SMAD6: variants seen among roughly 807,000 people sequenced by gnomAD.
The protein encoded by SMAD6 is SMAD family member 6.
SMAD6 carries 103 observed loss-of-function variants against 39.4 expected under a neutral mutation model. That is an observed-to-expected ratio of 2.62 (90% CI 2.23 to 3.08). The LOEUF (loss-of-function observed/expected upper bound fraction) is 3.08. Ranked by LOEUF, SMAD6 falls within the 30% of genes most tolerant of loss-of-function variation. The pLI, the probability that SMAD6 is intolerant of heterozygous loss-of-function variation, is 0.00. For missense variants in SMAD6, 1,104 were observed against 742.9 expected (o/e 1.49, Z -5.65); for synonymous variants, 445 against 353.3 (o/e 1.26, Z -2.91).
intron 2 of SMAD6, among the ~76,000 whole-genome samples, chr15:66,712,769 G>A (rs1893257523): frequency 6.6e-6 from 1 of 152,016 alleles, no homozygotes; most frequent in Non-Finnish European, 1.5e-5. Context: ...CATTTTAGGA[G>A]GCTAAGGTGG....
At chr15:66,752,303 G>A (rs2140649032) in intron 3 of SMAD6, among the ~76,000 whole-genome samples, 1 of 152,298 alleles carries the variant, frequency 6.6e-6, no homozygotes, top group South Asian at 2.1e-4. Flanking sequence ...GAGATCCTCA[G>A]GGGAGAGCCC....
intron 3 of SMAD6, among the ~76,000 whole-genome samples, chr15:66,742,254 A>G (rs778848837): frequency 3.9e-5 from 6 of 152,170 alleles, no homozygotes; most frequent in African/African-American, 1.2e-4. Context: ...CATGGGAGTC[A>G]GCATCCCCTC....
At chr15:66,767,817 C>T (rs1489015841) in intron 3 of SMAD6, among the ~76,000 whole-genome samples, 1 of 152,102 alleles carries the variant, frequency 6.6e-6, no homozygotes, top group African/African-American at 2.4e-5. Context: ...GTATATAGGC[C>T]TCTGCATTCA....
chr15:66,703,751 C>A lies in SMAD6; in HGVS notation c.493C>A (p.Leu165Met). ...GGRSREARSR[L>M]LLLEQELKTV... The stretch of plus-strand genomic sequence containing the variant: ...GCGGAGTCGCGAAGCGCGCTCGCGG[C>A]TGCTGCTGCTGGAGCAGGAACTCAA... Residue 165 changes from leucine to methionine, a missense_variant, in exon 1 of 4, where the codon CTG becomes ATG. Coordinates refer to ENST00000288840, the MANE Select transcript of SMAD6 (RefSeq NM_005585.5). 7.2e-7 allele frequency: 1 copy of A among 1,391,446 alleles called. No homozygotes were observed. The highest frequency in any genetic ancestry group is 9.4e-7 in the Non-Finnish European group (1 of 1,059,764). The allele number at this position is 1,391,446 out of a possible 1,614,324, so 86.2% of individuals were successfully genotyped here.
chr15:66,774,230 G>A (rs542794960), intron 3 of SMAD6, among the ~76,000 whole-genome samples: 7 of 152,314 alleles, frequency 4.6e-5, no homozygotes, highest in African/African-American at 1.7e-4. Flanking sequence ...GCCCACGGGG[G>A]AGCACACAGG....
Position 66,703,369 on chromosome 15 carries a change from G to T in SMAD6, c.111G>T (p.Gly37=). 1 of 1,466,726 alleles carries T rather than the reference G, an allele frequency of 6.8e-7. No homozygotes were observed. The highest frequency in any genetic ancestry group is 3.0e-5 in the East Asian group (1 of 33,362). 90.9% of individuals were successfully genotyped at this position (1,466,726 alleles called of 1,614,324 possible). ...GCGGCGGTGGCGGCGACGAGGATGG[G>T]AGCTTGGGCAGCCGAGCTGAGCCGG... ...SGGGGGGDED[G]SLGSRAEPAP... Residue 37 remains glycine, a synonymous_variant, in exon 1 of 4, where the codon GGG becomes GGT. Transcript: ENST00000288840.
rs754325733 is a variant in SMAD6 at position 66,702,306 on chromosome 15, A to G, written c.-953A>G. 2 of 152,096 alleles carry G rather than the reference A, an allele frequency of 1.3e-5. No individual in the cohort carries two copies. Among genetic ancestry groups the G allele is most frequent in the Non-Finnish European group, 2.9e-5 (2 of 68,078 alleles). 9.4% of individuals were successfully genotyped at this position (152,096 alleles called of 1,614,324 possible). A position where few individuals can be genotyped will look rare whatever the true frequency, so the allele number is the denominator to read the frequency against. ...CCCTCAGTGTGCGTTTGAGGAGAACAAAAAAGAGAGAGAGAGCCGAGCGGG... is the reference window on the plus strand; with the variant it reads ...CCCTCAGTGTGCGTTTGAGGAGAACGAAAAAGAGAGAGAGAGCCGAGCGGG... On this transcript the variant is annotated 5_prime_UTR_variant, in exon 1 of 4. Coordinates refer to ENST00000288840, the MANE Select transcript of SMAD6 (RefSeq NM_005585.5).
At chr15:66,732,874 A>T (rs1239167298) in intron 3 of SMAD6, among the ~76,000 whole-genome samples, 1 of 152,000 alleles carries the variant, frequency 6.6e-6, no homozygotes, top group Non-Finnish European at 1.5e-5. Context: ...TATGTCAGTT[A>T]TATGAATAAT....
rs985362055 is a variant in SMAD6 at position 66,703,426 on chromosome 15, C to T, written c.168C>T (p.Gly56=). The part of the protein sequence containing the change: ...APRAREGGGC[G]RSEVRPVAPR... ...GGGCAAGAGAGGGCGGAGGCTGCGG[C>T]CGCTCCGAAGTCCGCCCGGTAGCCC... The change falls in exon 1 of 4, where the codon GGC becomes GGT. Residue 56 remains glycine, a synonymous_variant. Coordinates refer to ENST00000288840, the MANE Select transcript of SMAD6 (RefSeq NM_005585.5). The T allele has an allele frequency of 9.2e-6, 12 of 1,307,546 alleles. No individual in the cohort carries two copies. Among genetic ancestry groups the T allele is most frequent in the African/African-American group, 1.5e-5 (1 of 64,568 alleles). The allele number at this position is 1,307,546 out of a possible 1,614,324, so 81.0% of individuals were successfully genotyped here.
In SMAD6 at chr15:66,703,378, C is replaced by T. The variant is rs149612008; in HGVS notation, c.120C>T (p.Gly40=). 0.036 allele frequency: 52,871 copies of T among 1,454,994 alleles called. 1,154 individuals carry two copies. Among genetic ancestry groups the T allele is most frequent in the Non-Finnish European group, 0.041 (44,690 of 1,103,116 alleles). The allele number at this position is 1,454,994 out of a possible 1,614,324, so 90.1% of individuals were successfully genotyped here. A position where few individuals can be genotyped will look rare whatever the true frequency, so the allele number is the denominator to read the frequency against. The change falls in exon 1 of 4, where the codon GGC becomes GGT. Residue 40 remains glycine (G), a synonymous_variant. Transcript: ENST00000288840. The part of the protein sequence containing the change: ...GGGGDEDGSL[G]SRAEPAPRAR... Reference sequence around the variant, plus strand: ...GCGGCGACGAGGATGGGAGCTTGGGCAGCCGAGCTGAGCCGGCCCCGCGGG... The same window carrying T: ...GCGGCGACGAGGATGGGAGCTTGGGTAGCCGAGCTGAGCCGGCCCCGCGGG...
At chr15:66,742,654 G>C (rs1344332406) in intron 3 of SMAD6, among the ~76,000 whole-genome samples, 1 of 152,048 alleles carries the variant, frequency 6.6e-6, no homozygotes, top group Non-Finnish European at 1.5e-5. Context: ...CCCCATTTTT[G>C]GGAAGGAGTA....
intron 3 of SMAD6, among the ~76,000 whole-genome samples, chr15:66,755,973 A>G (rs1894090543): frequency 6.6e-6 from 1 of 152,064 alleles, no homozygotes; most frequent in Admixed American, 6.5e-5. Context: ...TTAAACAGAA[A>G]GGCCTCCTGG....
chr15:66,743,384 G>A (rs931406006), intron 3 of SMAD6, among the ~76,000 whole-genome samples: 1 of 151,026 alleles, frequency 6.6e-6, no homozygotes, highest in Non-Finnish European at 1.5e-5. Flanking sequence ...GTCGGTTTCT[G>A]CATCTGTAAA....
chr15:66,763,807 C>T (rs527291633), intron 3 of SMAD6, among the ~76,000 whole-genome samples: 6 of 152,376 alleles, frequency 3.9e-5, no homozygotes, highest in African/African-American at 1.4e-4. Context: ...GGGCCCCACC[C>T]TGCCCATTTG....
chr15:66,728,180 A>G (rs188914346), intron 3 of SMAD6, among the ~76,000 whole-genome samples: 1 of 152,202 alleles, frequency 6.6e-6, no homozygotes, highest in Admixed American at 6.5e-5. Context: ...GTGTCACTAT[A>G]GCCCAGATGA....
In SMAD6 at chr15:66,703,911, A is replaced by T; in HGVS notation, c.653A>T (p.Gln218Leu). ...VPRADLRLGG[Q>L]PAPPQLLLGR... ...CGCGCCGACCTCCGCCTGGGCGGCC[A>T]GCCCGCGCCGCCGCAGCTGCTGCTC... Residue 218 changes from glutamine to leucine, a missense_variant, in exon 1 of 4, where the codon CAG (glutamine) becomes CTG (leucine). Coordinates refer to ENST00000288840, the MANE Select transcript of SMAD6 (RefSeq NM_005585.5). 3 of 1,293,764 alleles carry T rather than the reference A, an allele frequency of 2.3e-6. No individual in the cohort carries two copies. The highest frequency in any genetic ancestry group is 2.9e-6 in the Non-Finnish European group (3 of 1,026,036). The allele number at this position is 1,293,764 out of a possible 1,614,324, so 80.1% of individuals were successfully genotyped here.
At chr15:66,767,220 T>C (rs1894303178) in intron 3 of SMAD6, among the ~76,000 whole-genome samples, 1 of 152,204 alleles carries the variant, frequency 6.6e-6, no homozygotes, top group African/African-American at 2.4e-5. Flanking sequence ...ATGAATGGGC[T>C]TGTAGAATTG....
In SMAD6 at chr15:66,702,959, C is replaced by G. The variant is rs917453028; in HGVS notation, c.-300C>G. ...CTGGCGGCGCGCCGCCTGCAGCCCC[C>G]CTAAAGCGCGGGGGCTGGAGTTGTT... On this transcript the variant is annotated 5_prime_UTR_variant, in exon 1 of 4. Coordinates refer to ENST00000288840, the MANE Select transcript of SMAD6 (RefSeq NM_005585.5). The G allele has an allele frequency of 9.7e-5, 27 of 278,370 alleles. No individual in the cohort carries two copies. Among genetic ancestry groups the G allele is most frequent in the African/African-American group, 3.5e-4 (16 of 45,786 alleles). The allele number at this position is 278,370 out of a possible 1,614,324, so 17.2% of individuals were successfully genotyped here.
At chr15:66,710,380 A>G (rs950559265) in intron 1 of SMAD6, among the ~76,000 whole-genome samples, 7 of 152,060 alleles carry the variant, frequency 4.6e-5, no homozygotes, top group African/African-American at 9.7e-5. Flanking sequence ...CCTTCTCCCT[A>G]ATTTCTGTCC....
Sources: gnomAD v4.1 joint callset for allele counts (sites outside exome capture counted in the v4.1 genomes callset) on GRCh38, gnomAD v4.1.1 for gene constraint, MANE v1.5 for transcripts, NCBI Gene and HGNC (gene_info 2026-07-23, HGNC 2026-07-21) for gene names.